BCL9: variants seen among roughly 807,000 people sequenced by gnomAD.
BCL9 encodes BCL9 transcription coactivator.
In BCL9, 25 loss-of-function variants were observed where a neutral mutation model predicts 88.5. The observed-to-expected ratio is 0.28, with a 90% CI of 0.21 to 0.39. BCL9 has a LOEUF of 0.39. Ranked by LOEUF, BCL9 falls within the 10% of genes least tolerant of loss-of-function variation. BCL9 has a pLI of 1.00. For missense variants in BCL9, 1,817 were observed against 1,877.8 expected, an observed-to-expected ratio of 0.97 and a Z score of 0.60; for synonymous variants, 711 against 673.3, an observed-to-expected ratio of 1.06 and a Z score of -0.87.
At chr1:147,622,659 A>C (rs1336770044) in intron 9 of BCL9, 128 bp downstream of exon 9, 38 of 1,180,662 alleles carry the variant, frequency 3.2e-5, no homozygotes, top group Non-Finnish European at 4.5e-5. Context: ...CTTCCATCTA[A>C]GGTAGTTTCA....
chr1:147,589,287 G>T (rs186335779), intron 1 of BCL9, among the ~76,000 whole-genome samples: 2 of 152,014 alleles, frequency 1.3e-5, no homozygotes, highest in East Asian at 3.9e-4. Flanking sequence ...TCTAAAACTC[G>T]ACCTCTTTTG....
chr1:147,597,314 A>G (rs113630583), intron 1 of BCL9, among the ~76,000 whole-genome samples: 1,873 of 152,360 alleles, frequency 0.012, 37 homozygotes, highest in African/African-American at 0.043. Flanking sequence ...TTAGCTAAAG[A>G]ACTAAGAAGT....
intron 1 of BCL9, among the ~76,000 whole-genome samples, chr1:147,600,000 G>A (rs1215583553): frequency 6.6e-6 from 1 of 151,096 alleles, no homozygotes; most frequent in Middle Eastern, 3.4e-3. Context: ...CCCCGCGGGC[G>A]GGACGTCGGG....
Position 147,625,771 on chromosome 1 carries a change from C to G in BCL9, c.*812C>G, listed in dbSNP as rs1206970292. Reference sequence around the variant, plus strand: ...TAAGTGTTTCCTTCCTTTGTGCCCCCCGCTGGTGACCCTCTGCTTCCCTCT... The same window carrying G: ...TAAGTGTTTCCTTCCTTTGTGCCCCGCGCTGGTGACCCTCTGCTTCCCTCT... On this transcript the variant is annotated 3_prime_UTR_variant, in exon 10 of 10. Transcript: ENST00000234739. 4.3e-6 allele frequency: 1 copy of G among 233,212 alleles called. No individual in the cohort carries two copies. Among genetic ancestry groups the G allele is most frequent in the Non-Finnish European group, 8.5e-6 (1 of 117,738 alleles). 14.4% of individuals were successfully genotyped at this position (233,212 alleles called of 1,614,324 possible). A position where few individuals can be genotyped will look rare whatever the true frequency, so the allele number is the denominator to read the frequency against.
chr1:147,601,095 G>A (rs1657367208), intron 1 of BCL9, among the ~76,000 whole-genome samples: 1 of 152,176 alleles, frequency 6.6e-6, no homozygotes, highest in South Asian at 2.1e-4. Context: ...GGCCTTATGG[G>A]AAGGCTACCA....
chr1:147,575,632 AGG>A (rs1656073025), intron 1 of BCL9, among the ~76,000 whole-genome samples: 18 of 152,298 alleles, frequency 1.2e-4, no homozygotes, highest in Non-Finnish European at 4.4e-5. Flanking sequence ...ATTTTGAGGA[AGG>A]ATAGGGGAAT....
At chr1:147,552,852 G>A (rs1553194972) in intron 1 of BCL9, among the ~76,000 whole-genome samples, 1 of 152,150 alleles carries the variant, frequency 6.6e-6, no homozygotes, top group African/African-American at 2.4e-5. Flanking sequence ...ATAAATCCCT[G>A]GTGTGACCAT....
intron 1 of BCL9, among the ~76,000 whole-genome samples, chr1:147,581,797 G>C (rs1252420604): frequency 6.6e-6 from 1 of 152,134 alleles, no homozygotes; most frequent in Non-Finnish European, 1.5e-5. Flanking sequence ...GCCTGAGTCT[G>C]TTTTTCATTG....
intron 1 of BCL9, among the ~76,000 whole-genome samples, chr1:147,588,038 G>T (rs1209605134): frequency 4.6e-5 from 7 of 152,132 alleles, no homozygotes; most frequent in African/African-American, 1.4e-4. Context: ...TAATTAAAAA[G>T]TCTACTGGCA....
At chr1:147,600,755 A>G (rs1657345047) in intron 1 of BCL9, among the ~76,000 whole-genome samples, 1 of 142,168 alleles carries the variant, frequency 7.0e-6, no homozygotes, top group African/African-American at 2.7e-5. Context: ...GGATAGAGGT[A>G]AAGGGGACTT....
At position 147,598,751 on chromosome 1, in the gene BCL9, C is replaced by T. The variant is rs587673746; in HGVS notation, c.-477-6026C>T. On this transcript the variant is annotated intron_variant, in intron 1 of 9. Transcript: ENST00000234739. ...CTGCGGGGTCAGTGCACACAGTTGCCGAAGCAGCTAACTTAGATCAAGACC... is the reference window on the plus strand; with the variant it reads ...CTGCGGGGTCAGTGCACACAGTTGCTGAAGCAGCTAACTTAGATCAAGACC... 3.2e-4 allele frequency among the ~76,000 whole-genome samples: 49 copies of T among 152,224 alleles called. No homozygotes were observed. The East Asian group carries it at 8.5e-3, about 26-fold the overall frequency.
chr1:147,561,556 A>T (rs1293397420), intron 1 of BCL9, among the ~76,000 whole-genome samples: 1 of 152,198 alleles, frequency 6.6e-6, no homozygotes, highest in African/African-American at 2.4e-5. Context: ...CCCAAACATG[A>T]ATTTTAGTGT....
intron 1 of BCL9, among the ~76,000 whole-genome samples, chr1:147,560,825 T>G (rs587601979): frequency 4.6e-5 from 7 of 152,242 alleles, no homozygotes; most frequent in African/African-American, 1.4e-4. Context: ...GTTTCATGAT[T>G]CTCAGACATA....
chr1:147,564,944 C>T (rs1030976649), intron 1 of BCL9, among the ~76,000 whole-genome samples: 53 of 152,244 alleles, frequency 3.5e-4, no homozygotes, highest in African/African-American at 1.2e-3. Flanking sequence ...AAAAATTCAG[C>T]TCTTTAGTCA....
Position 147,611,713 on chromosome 1 carries a change from C to G in BCL9, c.-124C>G. 1.1e-6 allele frequency: 1 copy of G among 898,440 alleles called. No homozygotes were observed. Among genetic ancestry groups the G allele is most frequent in the Admixed American group, 2.0e-5 (1 of 51,048 alleles). 55.7% of individuals were successfully genotyped at this position (898,440 alleles called of 1,614,324 possible). ...GAAAAAGGCATACAGGCAGCGAGCG[C>G]TAAGGGACGCACCCAGCAAGCAGTG... On this transcript the variant is annotated 5_prime_UTR_variant, in exon 4 of 10. Transcript: ENST00000234739.
intron 1 of BCL9, among the ~76,000 whole-genome samples, chr1:147,565,534 T>C (rs1248632931): frequency 2.0e-5 from 3 of 152,208 alleles, no homozygotes; most frequent in African/African-American, 7.2e-5. Context: ...GAAAATTGGA[T>C]AGCACATCTT....
At position 147,619,494 on chromosome 1, in the gene BCL9, C is replaced by G. The variant is rs781991573; in HGVS notation, c.1339C>G (p.Pro447Ala). ...DVPFSPDEMV[P>A]PSMNSQSGTI... ...ACCCTTTTCTCCAGATGAAATGGTTCCACCTTCTATGAACTCCCAGTCTGG... is the reference window on the plus strand; with the variant it reads ...ACCCTTTTCTCCAGATGAAATGGTTGCACCTTCTATGAACTCCCAGTCTGG... The change falls in exon 8 of 10, where the codon CCA (proline) becomes GCA (alanine). Residue 447 changes from proline (P) to alanine (A), a missense_variant. Around this residue, in one of 2 missense-constraint regions of BCL9, gnomAD observed 1,228 missense variants for 1,191.6 expected, o/e 1.03. Coordinates refer to ENST00000234739, the MANE Select transcript of BCL9 (RefSeq NM_004326.4). The surrounding 1 kb of genome is among the most constrained non-coding windows in gnomAD (Gnocchi z 4.1). 6.2e-7 allele frequency: 1 copy of G among 1,614,090 alleles called. No homozygotes were observed. The highest frequency in any genetic ancestry group is 1.1e-5 in the South Asian group (1 of 91,080).
chr1:147,590,310 T>C (rs1272415355), intron 1 of BCL9, among the ~76,000 whole-genome samples: 2 of 152,240 alleles, frequency 1.3e-5, no homozygotes, highest in South Asian at 2.1e-4. Context: ...TCCTTCCTCT[T>C]ACATTTATAT....
rs781903725 is a variant in BCL9 at position 147,624,282 on chromosome 1, G to C, written c.3604G>C (p.Asp1202His). 1 of 1,614,040 alleles carries C rather than the reference G, an allele frequency of 6.2e-7. No homozygotes were observed. Among genetic ancestry groups the C allele is most frequent in the Non-Finnish European group, 8.5e-7 (1 of 1,179,982 alleles). Reference protein sequence around the residue: ...LCKPGGPGGPDSFTVLGNSMP... With the variant: ...LCKPGGPGGPHSFTVLGNSMP... ...CAAGCCTGGAGGCCCCGGGGGTCCT[G>C]ACTCCTTCACTGTCCTGGGGAACAG... The change falls in exon 10 of 10, where the codon GAC becomes CAC. Residue 1202 changes from aspartate to histidine, a missense_variant. Physicochemically the swap from Asp to His is moderately conservative, Grantham distance 81. This residue lies in a region of BCL9 where 589 missense variants were observed against 686.2 expected (regional missense o/e 0.86). Coordinates refer to ENST00000234739, the MANE Select transcript of BCL9 (RefSeq NM_004326.4). The surrounding 1 kb of genome is among the most constrained non-coding windows in gnomAD (Gnocchi z 4.4).
Sources: gnomAD v4.1 joint callset for allele counts (sites outside exome capture counted in the v4.1 genomes callset) on GRCh38, gnomAD v4.1.1 for gene constraint, gnomAD v4.1.1 regional missense constraint, Gnocchi (gnomAD v3.1) non-coding constraint, MANE v1.5 for transcripts, NCBI Gene and HGNC (gene_info 2026-07-23, HGNC 2026-07-21) for gene names.